MED27: variants seen among roughly 807,000 people sequenced by gnomAD.
MED27 encodes mediator of RNA polymerase II transcription subunit 27.
MED27 carries 30 observed loss-of-function variants against 38.2 expected under a neutral mutation model. The ratio of observed to expected loss-of-function variants is 0.79; its 90% CI spans 0.59 to 1.07. The LOEUF (loss-of-function observed/expected upper bound fraction) is 1.07. MED27 is among the 50% of genes least tolerant of loss of function. The pLI is 0.00. For missense variants in MED27, 289 were observed against 397.5 expected, an observed-to-expected ratio of 0.73 and a Z score of 2.32; for synonymous variants, 122 against 153.5, an observed-to-expected ratio of 0.79 and a Z score of 1.52.
chr9:131,966,016 C>T (rs75625560), intron 3 of MED27, among the ~76,000 whole-genome samples: 2,344 of 150,202 alleles, frequency 0.016, 30 homozygotes, highest in Non-Finnish European at 0.025. Flanking sequence ...CGCAACCATG[C>T]GCATCCCAGA....
In MED27 at chr9:131,883,583, TCCCTTGGGCAC is replaced by T. The variant is rs1272515267; in HGVS notation, c.723+464_723+474del. ...GTGCCAGCCTGCTTCCCTTGGCCCA[TCCCTTGGGCAC>T]CAGTGGAGACCGCTAGGGCTCTGAG... is the stretch of plus-strand genomic sequence containing the variant. On this transcript the variant is annotated intron_variant, in intron 6 of 7. Transcript: ENST00000292035. This position sits in a 1 kb window ranked among gnomAD's most constrained non-coding sequence, Gnocchi z 4.2. Among the ~76,000 whole-genome samples, 1 of 152,138 alleles carries T rather than the reference TCCCTTGGGCAC, an allele frequency of 6.6e-6. No individual in the cohort carries two copies. Among genetic ancestry groups the T allele is most frequent in the African/African-American group, 2.4e-5 (1 of 41,416 alleles).
chr9:131,958,459 G>A (rs1564299689), intron 3 of MED27, among the ~76,000 whole-genome samples: 10 of 152,154 alleles, frequency 6.6e-5, no homozygotes. Context: ...TGTTGGTCAG[G>A]CTGGTCTCGA....
At chr9:132,069,376 C>T (rs925892796) in intron 2 of MED27, among the ~76,000 whole-genome samples, 1 of 152,176 alleles carries the variant, frequency 6.6e-6, no homozygotes, top group African/African-American at 2.4e-5. Flanking sequence ...TTTTCAGAAA[C>T]CACAACTAAT....
intron 4 of MED27, among the ~76,000 whole-genome samples, chr9:131,897,634 G>A (rs1225598881): frequency 6.6e-6 from 1 of 152,244 alleles, no homozygotes; most frequent in African/African-American, 2.4e-5. Flanking sequence ...AACACAGGGA[G>A]GGAAAAGGAG....
chr9:131,886,676 A>T (rs1240136397), intron 5 of MED27, among the ~76,000 whole-genome samples: 1 of 152,262 alleles, frequency 6.6e-6, no homozygotes, highest in East Asian at 1.9e-4. Context: ...ACTCTGAGGG[A>T]AACCTCAAAA....
At chr9:132,043,138 C>CA (rs959473050) in intron 2 of MED27, among the ~76,000 whole-genome samples, 14 of 151,570 alleles carry the variant, frequency 9.2e-5, no homozygotes, top group Non-Finnish European at 1.9e-4. Context: ...GGGTGAGGGT[C>CA]AAAAAAACCA....
intron 4 of MED27, among the ~76,000 whole-genome samples, chr9:131,936,810 C>A (rs1242736400): frequency 2.0e-5 from 3 of 152,202 alleles, no homozygotes; most frequent in African/African-American, 7.2e-5. Flanking sequence ...CTGTTGACTG[C>A]ATTCAAGGAA....
At chr9:132,024,925 G>A (rs1450903474) in intron 2 of MED27, among the ~76,000 whole-genome samples, 1 of 152,034 alleles carries the variant, frequency 6.6e-6, no homozygotes, top group African/African-American at 2.4e-5. Flanking sequence ...CAAAGCATTC[G>A]GTACTAGAAG....
At chr9:131,978,732 C>A (rs2131024314) in intron 3 of MED27, among the ~76,000 whole-genome samples, 1 of 152,354 alleles carries the variant, frequency 6.6e-6, no homozygotes. Context: ...TGGTTTCACT[C>A]TGCCCTGACA....
chr9:131,999,755 C>T (rs1832179151), intron 3 of MED27, among the ~76,000 whole-genome samples: 1 of 152,178 alleles, frequency 6.6e-6, no homozygotes, highest in Non-Finnish European at 1.5e-5. Flanking sequence ...TCAGGACAAA[C>T]TAATTAAAAG....
chr9:131,884,406 G>A (rs1393881191), intron 5 of MED27, among the ~76,000 whole-genome samples: 1 of 152,120 alleles, frequency 6.6e-6, no homozygotes, highest in Non-Finnish European at 1.5e-5. Flanking sequence ...CACGGCTCTT[G>A]CATATCTCAA....
chr9:131,865,672 G>A (rs185275118), intron 6 of MED27, among the ~76,000 whole-genome samples: 36 of 152,312 alleles, frequency 2.4e-4, no homozygotes, highest in African/African-American at 7.9e-4. Context: ...CGATAGGAAC[G>A]TCAGTCCCTG....
intron 3 of MED27, among the ~76,000 whole-genome samples, chr9:131,961,431 G>C (rs1831212099): frequency 6.6e-6 from 1 of 152,172 alleles, no homozygotes; most frequent in Non-Finnish European, 1.5e-5. Context: ...GTTGAGTTCA[G>C]AACAGTATAG....
At chr9:131,922,113 T>C (rs1830403277) in intron 4 of MED27, among the ~76,000 whole-genome samples, 1 of 151,736 alleles carries the variant, frequency 6.6e-6, no homozygotes, top group Non-Finnish European at 1.5e-5. Flanking sequence ...GTGGCACATG[T>C]ATACATATCT....
At chr9:132,069,684 G>A (rs1833891328) in intron 2 of MED27, among the ~76,000 whole-genome samples, 1 of 152,196 alleles carries the variant, frequency 6.6e-6, no homozygotes, top group African/African-American at 2.4e-5. Flanking sequence ...TTACAATTTT[G>A]TTTCCACGAC....
rs1040405177 is a variant in MED27 at position 131,872,038 on chromosome 9, G to A, written c.724-8898C>T. The stretch of plus-strand genomic sequence containing the variant: ...ATCTGGCCCCAGGGGGCATGCTCCT[G>A]GGCCGGAGTGGAGGCTGGCGACGCA... On this transcript the variant is annotated intron_variant, in intron 6 of 7. Transcript: ENST00000292035. The surrounding 1 kb of genome is among the most constrained non-coding windows in gnomAD (Gnocchi z 5.6). 6.6e-6 allele frequency among the ~76,000 whole-genome samples: 1 copy of A among 152,228 alleles called. No homozygotes were observed. The highest frequency in any genetic ancestry group is 2.4e-5 in the African/African-American group (1 of 41,462).
intron 3 of MED27, among the ~76,000 whole-genome samples, chr9:131,962,487 C>T (rs974089185): frequency 5.9e-5 from 9 of 152,012 alleles, no homozygotes; most frequent in Admixed American, 1.3e-4. Flanking sequence ...GATCCACCCA[C>T]CTCAGCCTCC....
Position 131,891,499 on chromosome 9 carries a change from ACT to A in MED27, c.681+2384_681+2385del, listed in dbSNP as rs539420407. ...CAAATAAGTTAGGAAAATATTGCAT[ACT>A]CTCTACTCCCTGTAAGATATTCATA... is the stretch of plus-strand genomic sequence containing the variant. On this transcript the variant is annotated intron_variant, in intron 5 of 7. Coordinates refer to ENST00000292035, the MANE Select transcript of MED27 (RefSeq NM_004269.4). 1.6e-3 allele frequency among the ~76,000 whole-genome samples: 242 copies of A among 152,242 alleles called. 1 individual carries two copies. The highest frequency in any genetic ancestry group is 5.6e-3 in the African/African-American group (234 of 41,538).
chr9:131,993,521 T>TA (rs1832024347), intron 3 of MED27, among the ~76,000 whole-genome samples: 1 of 152,130 alleles, frequency 6.6e-6, no homozygotes, highest in Non-Finnish European at 1.5e-5. Flanking sequence ...AGCCACTTCT[T>TA]AGAGTTAACA....
Sources: allele counts gnomAD v4.1 joint callset (sites outside exome capture counted in the v4.1 genomes callset), GRCh38; gene constraint gnomAD v4.1.1; non-coding constraint Gnocchi (gnomAD v3.1); transcripts MANE v1.5; gene names NCBI Gene and HGNC (gene_info 2026-07-23, HGNC 2026-07-21).